The following STK39 variants were observed in gnomAD, a reference collection of about 807,000 sequenced individuals.
The protein encoded by STK39 is STE20/SPS1-related proline-alanine-rich protein kinase.
STK39 carries 20 observed loss-of-function variants against 77.8 expected under a neutral mutation model. The observed-to-expected ratio is 0.26, with a 90% CI of 0.18 to 0.37. STK39 has a LOEUF of 0.37. Ranked by LOEUF, STK39 falls within the 10% of genes least tolerant of loss-of-function variation. The pLI, the probability that STK39 is intolerant of heterozygous loss-of-function variation, is 1.00. For synonymous variants in STK39, 246 were observed against 234.1 expected, an observed-to-expected ratio of 1.05 and a Z score of -0.47; for missense variants, 479 against 656.5, an observed-to-expected ratio of 0.73 and a Z score of 2.95.
At chr2:168,108,356 TG>T (rs1276164917) in intron 10 of STK39, among the ~76,000 whole-genome samples, 1 of 152,056 alleles carries the variant, frequency 6.6e-6, no homozygotes, top group African/African-American at 2.4e-5. Context: ...AAGATCAGCC[TG>T]GGCAACATGG....
chr2:167,988,655 GAAA>G (rs559681133), intron 16 of STK39, among the ~76,000 whole-genome samples: 1 of 148,086 alleles, frequency 6.8e-6, no homozygotes, highest in East Asian at 2.0e-4. Flanking sequence ...GTTAATATGA[GAAA>G]AAAAAAAGTG....
intron 1 of STK39, among the ~76,000 whole-genome samples, chr2:168,244,573 C>G (rs1160350675): frequency 6.6e-6 from 1 of 152,206 alleles, no homozygotes; most frequent in East Asian, 1.9e-4. Context: ...CTGCTAACTT[C>G]TGCGTGTAAT....
Position 167,955,176 on chromosome 2 carries a change from T to A in STK39, c.*320A>T. The stretch of plus-strand genomic sequence containing the variant: ...CCACCTGAGTGTATTTCAGATTCTT[T>A]TCACTTAAGGGATATCCAAATTGAT... On this transcript the variant is annotated 3_prime_UTR_variant, in exon 18 of 18. Coordinates refer to ENST00000355999, the MANE Select transcript of STK39 (RefSeq NM_013233.3). 5.4e-6 allele frequency: 1 copy of A among 186,624 alleles called. No individual in the cohort carries two copies. Among genetic ancestry groups the A allele is most frequent in the South Asian group, 1.5e-4 (1 of 6,630 alleles). The allele number at this position is 186,624 out of a possible 1,614,324, so 11.6% of individuals were successfully genotyped here. A position where few individuals can be genotyped will look rare whatever the true frequency, so the allele number is the denominator to read the frequency against.
intron 16 of STK39, among the ~76,000 whole-genome samples, chr2:167,972,823 C>T (rs1692387145): frequency 6.6e-6 from 1 of 151,900 alleles, no homozygotes; most frequent in Non-Finnish European, 1.5e-5. Context: ...TCATGGAACC[C>T]CAGGAATTAG....
At chr2:168,195,051 G>T (rs1401107530) in intron 1 of STK39, among the ~76,000 whole-genome samples, 1 of 152,130 alleles carries the variant, frequency 6.6e-6, no homozygotes, top group Non-Finnish European at 1.5e-5. Flanking sequence ...AGATTGATAA[G>T]TACTTGTTAA....
chr2:167,992,319 CCTG>C (rs1683721680), intron 16 of STK39, among the ~76,000 whole-genome samples: 4 of 151,876 alleles, frequency 2.6e-5, no homozygotes, highest in African/African-American at 9.7e-5. Context: ...GCTCCCCCAA[CCTG>C]CCCCCCAACA....
chr2:167,963,013 C>T (rs889329659), intron 17 of STK39, among the ~76,000 whole-genome samples: 4 of 152,070 alleles, frequency 2.6e-5, no homozygotes, highest in African/African-American at 7.2e-5. Context: ...CCCGGGTGTG[C>T]GGTTTACAAT....
chr2:168,076,915 G>A (rs572471020), intron 10 of STK39, among the ~76,000 whole-genome samples: 6 of 152,240 alleles, frequency 3.9e-5, no homozygotes, highest in African/African-American at 1.4e-4. Context: ...TTCAGCATTT[G>A]CAGAACAGAT....
At chr2:168,065,291 A>G in intron 13 of STK39, 28 bp downstream of exon 13, 1 of 1,613,344 alleles carries the variant, frequency 6.2e-7, no homozygotes. Flanking sequence ...AAAGCACCTC[A>G]AACGGAATGA....
chr2:167,968,930 C>T (rs895367724), intron 16 of STK39, among the ~76,000 whole-genome samples: 2 of 152,156 alleles, frequency 1.3e-5, no homozygotes, highest in African/African-American at 4.8e-5. Context: ...TCTCCAGGCT[C>T]TTATCTTCAT....
chr2:168,068,600 C>T (rs1387473581), intron 12 of STK39, among the ~76,000 whole-genome samples: 5 of 152,182 alleles, frequency 3.3e-5, no homozygotes, highest in African/African-American at 1.2e-4. Flanking sequence ...GGGAACTCTG[C>T]ACTGTCCCTG....
chr2:168,189,381 T>C (rs1689282556), intron 1 of STK39, among the ~76,000 whole-genome samples: 1 of 150,624 alleles, frequency 6.6e-6, no homozygotes, highest in South Asian at 2.1e-4. Flanking sequence ...AAACTCACCT[T>C]GGACCACAAG....
At chr2:167,994,635 T>C (rs1683785681) in intron 16 of STK39, among the ~76,000 whole-genome samples, 1 of 152,214 alleles carries the variant, frequency 6.6e-6, no homozygotes. Flanking sequence ...ACCACAAATC[T>C]ACTTTCTATC....
At chr2:168,216,070 A>C (rs1201265501) in intron 1 of STK39, among the ~76,000 whole-genome samples, 1 of 152,196 alleles carries the variant, frequency 6.6e-6, no homozygotes, top group African/African-American at 2.4e-5. Context: ...GTATTGGGTA[A>C]AAGCAATGTG....
At chr2:167,963,755 T>A (rs1265600580) in intron 17 of STK39, among the ~76,000 whole-genome samples, 1 of 152,196 alleles carries the variant, frequency 6.6e-6, no homozygotes, top group African/African-American at 2.4e-5. Context: ...GGAAGTTAAT[T>A]AGCACCAGGC....
chr2:168,139,425 A>ATATATATATATATATATATAT (rs1559115956), intron 7 of STK39, among the ~76,000 whole-genome samples: 47 of 131,826 alleles, frequency 3.6e-4, no homozygotes, highest in African/African-American at 1.4e-3. Flanking sequence ...TATATATATA[A>ATATATATATATATATATATAT]AAACAATAAA....
In STK39 at chr2:168,182,044, C is replaced by T. The variant is rs1689094485; in HGVS notation, c.255G>A (p.Arg85=). 1 of 1,613,888 alleles carries T rather than the reference C, an allele frequency of 6.2e-7. No individual in the cohort carries two copies. Among genetic ancestry groups the T allele is most frequent in the Non-Finnish European group, 8.5e-7 (1 of 1,179,944 alleles). Reference sequence around the variant, plus strand: ...TCCGTTTTATTGCTACACGTTCTTGCCTGGGTTTGCATAGGGCTGCCTGAA... The same window carrying T: ...TCCGTTTTATTGCTACACGTTCTTGTCTGGGTTTGCATAGGGCTGCCTGAA... ...AVVQAALCKP[R]QERVAIKRIN... The change falls in exon 2 of 18, where the codon AGG becomes AGA. Residue 85 remains arginine, a synonymous_variant. Transcript: ENST00000355999.
At chr2:168,231,146 CAACT>C (rs1355220346) in intron 1 of STK39, among the ~76,000 whole-genome samples, 3 of 152,168 alleles carry the variant, frequency 2.0e-5, no homozygotes, top group East Asian at 1.9e-4. Context: ...TGATGGTAAA[CAACT>C]AACAGCACTG....
intron 5 of STK39, among the ~76,000 whole-genome samples, chr2:168,160,023 A>T (rs962842578): frequency 6.6e-6 from 1 of 152,190 alleles, no homozygotes; most frequent in Admixed American, 6.5e-5. Flanking sequence ...AAAAGCCAGG[A>T]AATCTTACCT....
Sources: allele counts gnomAD v4.1 joint callset (sites outside exome capture counted in the v4.1 genomes callset), GRCh38; gene constraint gnomAD v4.1.1; transcripts MANE v1.5; gene names NCBI Gene and HGNC (gene_info 2026-07-23, HGNC 2026-07-21).